PLCB4: variants seen among roughly 807,000 people sequenced by gnomAD.
PLCB4 encodes 1-phosphatidylinositol 4,5-bisphosphate phosphodiesterase beta-4.
Under a neutral mutation model 178.8 loss-of-function variants are expected in PLCB4, and 77 were observed. The ratio of observed to expected loss-of-function variants is 0.43; its 90% CI spans 0.36 to 0.52. PLCB4 has a LOEUF of 0.52. Ranked by LOEUF, PLCB4 falls within the 20% of genes least tolerant of loss-of-function variation. The pLI, the probability that PLCB4 is intolerant of heterozygous loss-of-function variation, is 0.00. For missense variants in PLCB4, 1,024 were observed against 1,453.4 expected (o/e 0.70, Z 4.80); for synonymous variants, 496 against 490.8 (o/e 1.01, Z -0.14).
intron 2 of PLCB4, among the ~76,000 whole-genome samples, chr20:9,169,051 C>G (rs1349252223): frequency 6.6e-6 from 1 of 152,158 alleles, no homozygotes; most frequent in African/African-American, 2.4e-5. Context: ...TCCTGCCAAT[C>G]AGGAGCCTTT....
At chr20:9,399,242 A>G (rs1263807244) in intron 19 of PLCB4, among the ~76,000 whole-genome samples, 1 of 152,216 alleles carries the variant, frequency 6.6e-6, no homozygotes, top group Non-Finnish European at 1.5e-5. Context: ...AAATAACCAC[A>G]TGATTTAGTA....
chr20:9,396,901 G>A (rs866859076), intron 19 of PLCB4, among the ~76,000 whole-genome samples: 49 of 152,276 alleles, frequency 3.2e-4, no homozygotes, highest in African/African-American at 2.9e-4. Flanking sequence ...ATCTTTTTGT[G>A]GAGGGTCTTG....
At chr20:9,182,512 G>C (rs2093263624) in intron 2 of PLCB4, among the ~76,000 whole-genome samples, 1 of 152,208 alleles carries the variant, frequency 6.6e-6, no homozygotes, top group Non-Finnish European at 1.5e-5. Flanking sequence ...TATTACAGAA[G>C]ATGCATCTGT....
At chr20:9,366,964 G>A (rs945440737) in intron 9 of PLCB4, among the ~76,000 whole-genome samples, 1 of 152,214 alleles carries the variant, frequency 6.6e-6, no homozygotes, top group African/African-American at 2.4e-5. Flanking sequence ...GTCACCGAGT[G>A]CGTAGCATCT....
intron 2 of PLCB4, among the ~76,000 whole-genome samples, chr20:9,135,565 T>C (rs2092365302): frequency 6.6e-6 from 1 of 152,118 alleles, no homozygotes; most frequent in South Asian, 2.1e-4. Flanking sequence ...ATTTTTCTAA[T>C]TTCCCCACCT....
chr20:9,293,383 A>C (rs1030249479), intron 3 of PLCB4, among the ~76,000 whole-genome samples: 3 of 148,064 alleles, frequency 2.0e-5, no homozygotes, highest in African/African-American at 7.5e-5. Flanking sequence ...AGGAAAGGGA[A>C]GGAAAGGGAA....
Position 9,223,402 on chromosome 20 carries a change from C to T in PLCB4, c.-16+5950C>T, listed in dbSNP as rs1392467935. Among the ~76,000 whole-genome samples the T allele has an allele frequency of 3.3e-5, 5 of 152,314 alleles. No homozygotes were observed. The East Asian group carries it at 7.7e-4, about 24-fold the overall frequency. On this transcript the variant is annotated intron_variant, in intron 3 of 39. Transcript: ENST00000378473. ...TTGAAGATATAGTGGCTGCAAACAA[C>T]AGCAGTCACCTTTTTACCTCTCAGT... is the stretch of plus-strand genomic sequence containing the variant.
At chr20:9,118,842 A>G (rs748765173) in intron 2 of PLCB4, among the ~76,000 whole-genome samples, 11 of 152,234 alleles carry the variant, frequency 7.2e-5, no homozygotes, top group Non-Finnish European at 1.6e-4. Flanking sequence ...AGGCATTAGC[A>G]CATATCCTTT....
chr20:9,114,061 A>G (rs1025000506), intron 2 of PLCB4, among the ~76,000 whole-genome samples: 12 of 152,262 alleles, frequency 7.9e-5, no homozygotes, highest in South Asian at 6.2e-4. Flanking sequence ...TAAAAATACA[A>G]AAATTAGCTG....
intron 3 of PLCB4, among the ~76,000 whole-genome samples, chr20:9,238,231 T>C (rs1034430010): frequency 2.6e-5 from 4 of 152,164 alleles, no homozygotes; most frequent in African/African-American, 9.7e-5. Flanking sequence ...ATATACTGTT[T>C]TAACATTGAA....
intron 38 of PLCB4, among the ~76,000 whole-genome samples, chr20:9,474,805 A>C (rs1206621077): frequency 6.6e-6 from 1 of 152,152 alleles, no homozygotes; most frequent in African/African-American, 2.4e-5. Context: ...CATACTTCCT[A>C]GTTATGTTTC....
intron 18 of PLCB4, among the ~76,000 whole-genome samples, chr20:9,394,156 G>A (rs1327451958): frequency 1.3e-5 from 2 of 152,000 alleles, no homozygotes; most frequent in Non-Finnish European, 2.9e-5. Flanking sequence ...TATTCTCCCA[G>A]GATGATTTCC....
chr20:9,344,542 G>T (rs2033598243), intron 7 of PLCB4, among the ~76,000 whole-genome samples: 1 of 152,158 alleles, frequency 6.6e-6, no homozygotes, highest in Non-Finnish European at 1.5e-5. Context: ...TTGACTAAAT[G>T]AATTCCAACC....
intron 13 of PLCB4, among the ~76,000 whole-genome samples, chr20:9,382,147 C>T (rs1169985122): frequency 1.3e-5 from 2 of 152,202 alleles, no homozygotes; most frequent in African/African-American, 2.4e-5. Context: ...AACCACTGGG[C>T]TCATGTTGGA....
At chr20:9,248,754 G>A (rs1416346495) in intron 3 of PLCB4, among the ~76,000 whole-genome samples, 1 of 152,070 alleles carries the variant, frequency 6.6e-6, no homozygotes, top group Non-Finnish European at 1.5e-5. Context: ...CAACTTCAAG[G>A]CAGGTTCCTT....
At chr20:9,379,102 C>G (rs1023835829) in intron 12 of PLCB4, among the ~76,000 whole-genome samples, 3 of 152,058 alleles carry the variant, frequency 2.0e-5, no homozygotes, top group African/African-American at 7.2e-5. Context: ...TTTATTTATT[C>G]ACTTATTCAT....
chr20:9,370,187 A>C (rs536491018), intron 9 of PLCB4, among the ~76,000 whole-genome samples: 1 of 152,194 alleles, frequency 6.6e-6, no homozygotes, highest in South Asian at 2.1e-4. Context: ...TATCTATTCT[A>C]CTAGCCTTGA....
At position 9,453,448 on chromosome 20, in the gene PLCB4, A is replaced by G; in HGVS notation, c.2982A>G (p.Ala994=). 1 of 1,577,342 alleles carries G rather than the reference A, an allele frequency of 6.3e-7. No individual in the cohort carries two copies. The change falls in exon 33 of 40, where the codon GCA becomes GCG. Residue 994 remains alanine, a synonymous_variant. Transcript: ENST00000378473. ...KSTHEKILEK[A]MKKKGGSNCL... ...CTCATGAGAAAATCCTAGAGAAGGC[A>G]ATGAAGAAGAAGGGGTAATACTGTT...
intron 3 of PLCB4, among the ~76,000 whole-genome samples, chr20:9,231,019 A>G (rs2093925890): frequency 6.6e-6 from 1 of 152,194 alleles, no homozygotes; most frequent in African/African-American, 2.4e-5. Context: ...GTATCAGAGA[A>G]TAATAACCTG....
Sources: allele counts gnomAD v4.1 joint callset (sites outside exome capture counted in the v4.1 genomes callset), GRCh38; gene constraint gnomAD v4.1.1; transcripts MANE v1.5; gene names NCBI Gene and HGNC (gene_info 2026-07-23, HGNC 2026-07-21).